PACSIN2: variants seen among roughly 807,000 people sequenced by gnomAD.
PACSIN2 encodes the protein protein kinase C and casein kinase substrate in neurons protein 2.
A neutral mutation model predicts 63.8 loss-of-function variants in PACSIN2; 25 were observed. The ratio of observed to expected loss-of-function variants is 0.39; its 90% confidence interval spans 0.29 to 0.55. The LOEUF (loss-of-function observed/expected upper bound fraction) is 0.55, where lower values mean the gene tolerates loss of function less well. Ranked by LOEUF, PACSIN2 falls within the 20% of genes least tolerant of loss-of-function variation. The probability of loss-of-function intolerance (pLI) is 0.62; values close to 1 mark genes in which losing one functional copy is unlikely to be tolerated. For synonymous variants in PACSIN2, 255 were observed against 256.2 expected, an observed-to-expected ratio of 1.00 and a Z score of 0.05; for missense variants, 518 against 646.9, an observed-to-expected ratio of 0.80 and a Z score of 2.16.
At chr22:42,976,333 T>C (rs1353594290) in intron 1 of PACSIN2, among the ~76,000 whole-genome samples, 2 of 152,214 alleles carry the variant, frequency 1.3e-5, no homozygotes, top group African/African-American at 4.8e-5. Flanking sequence ...AGCTACACCC[T>C]GGTGAAAGGC....
chr22:43,011,534 T>C (rs1356609007), intron 1 of PACSIN2, among the ~76,000 whole-genome samples: 1 of 152,220 alleles, frequency 6.6e-6, no homozygotes, highest in African/African-American at 2.4e-5. Context: ...TCCGGAATCA[T>C]CCACTGATAA....
At chr22:42,990,017 C>T (rs1922924668) in intron 1 of PACSIN2, among the ~76,000 whole-genome samples, 2 of 23,646 alleles carry the variant, frequency 8.5e-5, no homozygotes, top group South Asian at 2.8e-3. Context: ...CATATATATA[C>T]ACACATATGT....
intron 1 of PACSIN2, among the ~76,000 whole-genome samples, chr22:42,989,868 ATAT>A (rs770205322): frequency 0.094 from 5,842 of 62,266 alleles, 172 homozygotes; most frequent in African/African-American, 0.14. Context: ...GGAAAAAAAA[ATAT>A]ATATATATAT....
At chr22:42,955,619 A>G (rs1196227313) in intron 1 of PACSIN2, among the ~76,000 whole-genome samples, 1 of 152,200 alleles carries the variant, frequency 6.6e-6, no homozygotes, top group African/African-American at 2.4e-5. Context: ...CTAAGATTCA[A>G]TTTAATGTCT....
intron 2 of PACSIN2, among the ~76,000 whole-genome samples, chr22:42,909,911 T>C (rs1931336154): frequency 6.6e-6 from 1 of 152,140 alleles, no homozygotes; most frequent in African/African-American, 2.4e-5. Context: ...GCACACCGAC[T>C]CCCTCAGCTC....
intron 8 of PACSIN2, among the ~76,000 whole-genome samples, chr22:42,877,319 G>A (rs921442217): frequency 3.3e-5 from 5 of 152,112 alleles, no homozygotes; most frequent in Non-Finnish European, 7.3e-5. Flanking sequence ...AGCAAAAGTC[G>A]TTTCCAGGTT....
intron 1 of PACSIN2, among the ~76,000 whole-genome samples, chr22:42,960,507 C>T (rs568445793): frequency 6.6e-6 from 1 of 152,278 alleles, no homozygotes; most frequent in South Asian, 2.1e-4. Flanking sequence ...ACTGTGATTA[C>T]ATGGAAATAA....
intron 1 of PACSIN2, among the ~76,000 whole-genome samples, chr22:42,922,942 G>A (rs2092212): frequency 3.3e-5 from 5 of 151,866 alleles, no homozygotes; most frequent in African/African-American, 7.3e-5. Context: ...TAGAATGCGA[G>A]CTCTCTGAGG....
At chr22:42,882,382 C>T (rs945287397) in intron 6 of PACSIN2, 78 bp from the exon 7 acceptor site, 1 of 1,501,272 alleles carries the variant, frequency 6.7e-7, no homozygotes. Flanking sequence ...CCAGCCACAG[C>T]AGGTCCCGTG....
chr22:42,929,924 G>C (rs2146771767), intron 1 of PACSIN2, among the ~76,000 whole-genome samples: 1 of 152,286 alleles, frequency 6.6e-6, no homozygotes, highest in South Asian at 2.1e-4. Flanking sequence ...GCCTGCCTGT[G>C]TTCCTCTCAC....
intron 8 of PACSIN2, 22 bp from the exon 9 acceptor site, chr22:42,877,032 A>C: frequency 6.2e-7 from 1 of 1,613,626 alleles, no homozygotes; most frequent in Middle Eastern, 1.7e-4. Flanking sequence ...GAGAGCTTTC[A>C]GGGGATCCCA....
chr22:42,983,316 C>CAAAAAAAAA (rs1180708676), intron 1 of PACSIN2, among the ~76,000 whole-genome samples: 8 of 63,650 alleles, frequency 1.3e-4, no homozygotes, highest in African/African-American at 4.5e-4. Flanking sequence ...GACTCCATCT[C>CAAAAAAAAA]AAAAAAAAAA....
intron 1 of PACSIN2, among the ~76,000 whole-genome samples, chr22:42,915,574 G>A (rs1455336411): frequency 1.3e-5 from 2 of 152,148 alleles, no homozygotes; most frequent in Non-Finnish European, 2.9e-5. Flanking sequence ...CTATCCCCAT[G>A]TGCATTACTT....
At chr22:42,964,070 T>C (rs75333944) in intron 1 of PACSIN2, among the ~76,000 whole-genome samples, 1,686 of 152,292 alleles carry the variant, frequency 0.011, 29 homozygotes, top group African/African-American at 0.038. Flanking sequence ...CCTTTAGCTA[T>C]CATCCCTCTA....
chr22:42,892,211 G>A (rs1407378122), intron 3 of PACSIN2, among the ~76,000 whole-genome samples: 1 of 152,134 alleles, frequency 6.6e-6, no homozygotes, highest in Non-Finnish European at 1.5e-5. Context: ...CTGGAGGGAG[G>A]GAGAGCCACA....
chr22:42,948,731 C>T (rs1015097407), intron 1 of PACSIN2, among the ~76,000 whole-genome samples: 8 of 152,270 alleles, frequency 5.3e-5, no homozygotes, highest in South Asian at 2.1e-4. Context: ...ACTATGGTGC[C>T]GCTTTCTCAA....
chr22:42,978,685 T>C (rs1218680733), intron 1 of PACSIN2, among the ~76,000 whole-genome samples: 1 of 152,236 alleles, frequency 6.6e-6, no homozygotes, highest in East Asian at 1.9e-4. Context: ...CTTTTTGGCC[T>C]GCAGACGTTC....
intron 1 of PACSIN2, among the ~76,000 whole-genome samples, chr22:43,009,832 C>G (rs1601625688): frequency 1.4e-5 from 2 of 145,380 alleles, no homozygotes; most frequent in African/African-American, 5.2e-5. Flanking sequence ...CTTGCGAGGT[C>G]TTTGATAGTT....
rs1362412109 is a variant in PACSIN2 at position 42,971,625 on chromosome 22, T to A, written c.-78+43396A>T. Among the ~76,000 whole-genome samples the A allele has an allele frequency of 2.7e-5, 4 of 147,332 alleles. 1 individual carries two copies. In the East Asian group the frequency reaches 6.3e-4, roughly 23 times the overall value. On this transcript the variant is annotated intron_variant, in intron 1 of 10. Coordinates refer to ENST00000263246, the MANE Select transcript of PACSIN2 (RefSeq NM_001184970.3). ...GAGTGTCTCTGCCCAACCGCCACCA[T>A]GTCTGGGAAGTGAGGAGCGTCTCTG...
Sources: allele counts gnomAD v4.1 joint callset (sites outside exome capture counted in the v4.1 genomes callset), GRCh38; gene constraint gnomAD v4.1.1; transcripts MANE v1.5; gene names NCBI Gene and HGNC (gene_info 2026-07-23, HGNC 2026-07-21).